LRRC4B: variants seen among roughly 807,000 people sequenced by gnomAD.
The protein encoded by LRRC4B is leucine-rich repeat-containing protein 4B.
LRRC4B carries 1 observed loss-of-function variant against 7.3 expected under a neutral mutation model. The observed-to-expected ratio is 0.14, with a 90% CI of 0.05 to 0.65. The LOEUF is 0.65. LRRC4B is among the 30% of genes least tolerant of loss of function. LRRC4B has a pLI of 0.84. For missense variants in LRRC4B, 730 were observed against 1,041.6 expected (o/e 0.70, Z 4.12); for synonymous variants, 500 against 499.2 (o/e 1.00, Z -0.02).
rs1340061262 is a variant in LRRC4B at position 50,537,377 on chromosome 19, G to C, written c.297+11165C>G. Among the ~76,000 whole-genome samples, 1 of 152,162 alleles carries C rather than the reference G, an allele frequency of 6.6e-6. No individual in the cohort carries two copies. The highest frequency in any genetic ancestry group is 2.4e-5 in the African/African-American group (1 of 41,430). On this transcript the variant is annotated intron_variant, in intron 2 of 2. Coordinates refer to ENST00000652263, the MANE Select transcript of LRRC4B (RefSeq NM_001080457.2). This position sits in a 1 kb window ranked among gnomAD's most constrained non-coding sequence, Gnocchi z 5.5. ...TGTAAAGGGCTTGGAGCAATGCTGG[G>C]GGCCCGACTGACATTCTCCCGCCCA...
At chr19:50,546,865 C>T (rs1311159090) in intron 2 of LRRC4B, among the ~76,000 whole-genome samples, 3 of 152,210 alleles carry the variant, frequency 2.0e-5, no homozygotes, top group African/African-American at 2.4e-5. Context: ...CTGCAAAGCG[C>T]GTTTCCCTGG....
chr19:50,516,911 A>AT lies in LRRC4B; in HGVS notation c.*659dup, dbSNP rs1980280480. ...CCGTGCTTTCATGACCAAAAAAAAT[A>AT]TTTTTTTACTTTTTCCATGTTTTTT... On this transcript the variant is annotated 3_prime_UTR_variant, in exon 3 of 3. Transcript: ENST00000652263. The AT allele has an allele frequency of 6.7e-6, 1 of 150,060 alleles. No individual in the cohort carries two copies. Among genetic ancestry groups the AT allele is most frequent in the South Asian group, 2.1e-4 (1 of 4,782 alleles). The allele number at this position is 150,060 out of a possible 1,614,324, so 9.3% of individuals were successfully genotyped here.
chr19:50,520,899 A>T (rs1276664123), intron 2 of LRRC4B, among the ~76,000 whole-genome samples: 1 of 152,224 alleles, frequency 6.6e-6, no homozygotes, highest in Admixed American at 6.5e-5. Context: ...GTATTTCCTC[A>T]AGAGAAATGA....
intron 2 of LRRC4B, among the ~76,000 whole-genome samples, chr19:50,534,545 T>A (rs754458424): frequency 6.6e-6 from 1 of 152,140 alleles, no homozygotes; most frequent in Non-Finnish European, 1.5e-5. Context: ...TCAGCCCCCA[T>A]CTGCTGAGCC....
Position 50,548,878 on chromosome 19 carries a change from G to A in LRRC4B, c.-35-5C>T. The A allele has an allele frequency of 7.3e-7, 1 of 1,375,650 alleles. No individual in the cohort carries two copies. Among genetic ancestry groups the A allele is most frequent in the Non-Finnish European group, 9.6e-7 (1 of 1,043,840 alleles). 85.2% of individuals were successfully genotyped at this position (1,375,650 alleles called of 1,614,324 possible). A position where few individuals can be genotyped will look rare whatever the true frequency, so the allele number is the denominator to read the frequency against. ...CTCCGCGTGGACGCTGGGGGGCTGT[G>A]GGTGGGGGAGAGAAGGGGGAGAGGC... On this transcript the variant is annotated splice_region_variant and splice_polypyrimidine_tract_variant and intron_variant, in intron 1 of 2. Coordinates refer to ENST00000652263, the MANE Select transcript of LRRC4B (RefSeq NM_001080457.2). The surrounding 1 kb of genome is among the most constrained non-coding windows in gnomAD (Gnocchi z 6.8).
intron 1 of LRRC4B, among the ~76,000 whole-genome samples, chr19:50,564,900 C>T (rs1982579431): frequency 6.6e-6 from 1 of 151,962 alleles, no homozygotes; most frequent in African/African-American, 2.4e-5. Context: ...CCCCAACCCA[C>T]AGCACCTCTG....
At position 50,518,894 on chromosome 19, in the gene LRRC4B, G is replaced by A. The variant is rs375425950; in HGVS notation, c.819C>T (p.Phe273=). The change falls in exon 3 of 3, where the codon TTC becomes TTT. Residue 273 remains phenylalanine, a synonymous_variant. Transcript: ENST00000652263. ...AQVATIERNA[F]DDLKSLEELN... Reference sequence around the variant, plus strand: ...GCTCCTCCAGCGACTTGAGGTCGTCGAAGGCGTTGCGCTCGATGGTGGCTA... The same window carrying A: ...GCTCCTCCAGCGACTTGAGGTCGTCAAAGGCGTTGCGCTCGATGGTGGCTA... 1.4e-5 allele frequency: 22 copies of A among 1,613,948 alleles called. No individual in the cohort carries two copies. The highest frequency in any genetic ancestry group is 6.7e-5 in the African/African-American group (5 of 74,928).
chr19:50,559,789 C>T (rs1251657887), intron 1 of LRRC4B, among the ~76,000 whole-genome samples: 1 of 152,232 alleles, frequency 6.6e-6, no homozygotes, highest in Non-Finnish European at 1.5e-5. Flanking sequence ...TGAACTGGAG[C>T]AATGCTTCTC....
At position 50,534,998 on chromosome 19, in the gene LRRC4B, A is replaced by G. The variant is rs569037953; in HGVS notation, c.297+13544T>C. 9.9e-5 allele frequency among the ~76,000 whole-genome samples: 15 copies of G among 151,640 alleles called. No individual in the cohort carries two copies. In the South Asian group the frequency reaches 2.9e-3, roughly 29 times the overall value. ...ATTCTCCTGCCTCAGCCTCCCGAGT[A>G]GCTGGGATTACAGGCGCCTGCCACC... On this transcript the variant is annotated intron_variant, in intron 2 of 2. Coordinates refer to ENST00000652263, the MANE Select transcript of LRRC4B (RefSeq NM_001080457.2).
chr19:50,524,636 A>G (rs1980720976), intron 2 of LRRC4B, among the ~76,000 whole-genome samples: 1 of 152,186 alleles, frequency 6.6e-6, no homozygotes, highest in Non-Finnish European at 1.5e-5. Flanking sequence ...CAACTTTACT[A>G]ATATATTTAT....
chr19:50,537,712 G>C lies in LRRC4B; in HGVS notation c.297+10830C>G, dbSNP rs760696137. ...CTGTAAGTGTGCTGTGAGTCATCAT[G>C]AGAAAAAGTTAAGAAGAAACTGACA... On this transcript the variant is annotated intron_variant, in intron 2 of 2. Transcript: ENST00000652263. This position sits in a 1 kb window ranked among gnomAD's most constrained non-coding sequence, Gnocchi z 5.5. Among the ~76,000 whole-genome samples, 20 of 152,008 alleles carry C rather than the reference G, an allele frequency of 1.3e-4. No homozygotes were observed. The highest frequency in any genetic ancestry group is 3.9e-4 in the Admixed American group (6 of 15,254).
chr19:50,565,826 TC>T (rs1316194876), intron 1 of LRRC4B, among the ~76,000 whole-genome samples: 1 of 143,064 alleles, frequency 7.0e-6, no homozygotes, highest in African/African-American at 2.5e-5. Flanking sequence ...GTGGCGTGTG[TC>T]CCCGGCTCCC....
chr19:50,524,411 AATTTT>A (rs1599761440), intron 2 of LRRC4B, among the ~76,000 whole-genome samples: 1 of 152,018 alleles, frequency 6.6e-6, no homozygotes, highest in African/African-American at 2.4e-5. Flanking sequence ...ACACCTGGCT[AATTTT>A]ATTTTATTTT....
chr19:50,544,355 A>C (rs1981701442), intron 2 of LRRC4B, among the ~76,000 whole-genome samples: 1 of 151,358 alleles, frequency 6.6e-6, no homozygotes, highest in African/African-American at 2.4e-5. Context: ...AAATACAAAA[A>C]AATTAGCTGG....
rs759714166 is a variant in LRRC4B, at chr19:50,517,807, C to T, written c.1906G>A (p.Ala636Thr). Reference protein sequence around the residue: ...AASAVSVAAAAAVASGGGVGG... With the variant: ...AASAVSVAAATAVASGGGVGG... Reference sequence around the variant, plus strand: ...ACACCACCCCCACTGGCCACGGCGGCCGCGGCGGCCACGGACACGGCCGAG... The same window carrying T: ...ACACCACCCCCACTGGCCACGGCGGTCGCGGCGGCCACGGACACGGCCGAG... The change falls in exon 3 of 3, where the codon GCC (alanine) becomes ACC (threonine). Residue 636 changes from alanine (A) to threonine (T), a missense_variant. Ala to Thr is a moderately conservative substitution (Grantham distance 58, BLOSUM62 0). This residue lies in a region of LRRC4B where 160 missense variants were observed against 163.9 expected (regional missense o/e 0.98). Transcript: ENST00000652263. This position sits in a 1 kb window ranked among gnomAD's most constrained non-coding sequence, Gnocchi z 6.6. The T allele has an allele frequency of 1.9e-6, 3 of 1,548,898 alleles. No individual in the cohort carries two copies. Among genetic ancestry groups the T allele is most frequent in the Non-Finnish European group, 2.6e-6 (3 of 1,153,818 alleles).
At chr19:50,541,819 G>A (rs1189290958) in intron 2 of LRRC4B, among the ~76,000 whole-genome samples, 1 of 152,180 alleles carries the variant, frequency 6.6e-6, no homozygotes, top group Non-Finnish European at 1.5e-5. Flanking sequence ...TCCCAGAGGG[G>A]TCCTGAGGGA....
intron 2 of LRRC4B, among the ~76,000 whole-genome samples, chr19:50,529,023 CT>C (rs1980939114): frequency 6.6e-6 from 1 of 152,144 alleles, no homozygotes; most frequent in Non-Finnish European, 1.5e-5. Flanking sequence ...TGTCTCTGGC[CT>C]GACTGGGCTA....
chr19:50,548,825 C>A lies in LRRC4B; in HGVS notation c.14G>T (p.Arg5Leu). ...CGGCAGCGGGGGGCACGGGGAGCCG[C>A]GGGCACGCGCCATCCTCAATGTTCA... MARA[R>L]GSPCPPLPPG... Residue 5 changes from arginine to leucine, a missense_variant, in exon 2 of 3, where the codon CGC becomes CTC. Coordinates refer to ENST00000652263, the MANE Select transcript of LRRC4B (RefSeq NM_001080457.2). The surrounding 1 kb of genome is among the most constrained non-coding windows in gnomAD (Gnocchi z 6.8). The A allele has an allele frequency of 1.4e-6, 2 of 1,448,774 alleles. No homozygotes were observed. Among genetic ancestry groups the A allele is most frequent in the Non-Finnish European group, 1.8e-6 (2 of 1,101,034 alleles). 89.7% of individuals were successfully genotyped at this position (1,448,774 alleles called of 1,614,324 possible). A position where few individuals can be genotyped will look rare whatever the true frequency, so the allele number is the denominator to read the frequency against.
intron 1 of LRRC4B, among the ~76,000 whole-genome samples, chr19:50,565,942 T>C (rs1174522484): frequency 2.0e-5 from 3 of 152,146 alleles, no homozygotes; most frequent in African/African-American, 7.2e-5. Context: ...TCTCCCTCTG[T>C]GCCTCCCTCC....
Sources: allele counts gnomAD v4.1 joint callset (sites outside exome capture counted in the v4.1 genomes callset), GRCh38; gene constraint gnomAD v4.1.1; regional missense constraint gnomAD v4.1.1; non-coding constraint Gnocchi (gnomAD v3.1); transcripts MANE v1.5; gene names NCBI Gene and HGNC (gene_info 2026-07-23, HGNC 2026-07-21).